Variants in GATA3 observed in about 807,000 individuals in gnomAD.
GATA3 encodes GATA binding protein 3, also known as trans-acting T-cell-specific transcription factor GATA-3.
Under a neutral mutation model 36.0 loss-of-function variants are expected in GATA3, and 6 were observed. That is an observed-to-expected ratio of 0.17 (90% CI 0.09 to 0.33). The LOEUF (loss-of-function observed/expected upper bound fraction) is 0.33, where lower values mean the gene tolerates loss of function less well. Ranked by LOEUF, GATA3 falls within the 10% of genes least tolerant of loss-of-function variation. The probability of loss-of-function intolerance (pLI) is 1.00; values close to 1 mark genes in which losing one functional copy is unlikely to be tolerated. For synonymous variants in GATA3, 326 were observed against 273.0 expected (o/e 1.19, Z -1.92); for missense variants, 514 against 610.1 (o/e 0.84, Z 1.66).
chr10:8,050,305 G>C (rs994651402), upstream of GATA3: 41 of 152,374 alleles, frequency 2.7e-4, no homozygotes, highest in African/African-American at 9.9e-4. Context: ...AGGCCCCGCC[G>C]GGCCGCTCTC....
At chr10:8,063,671 G>C (rs1832785723) in intron 3 of GATA3, among the ~76,000 whole-genome samples, 1 of 152,156 alleles carries the variant, frequency 6.6e-6, no homozygotes, top group African/African-American at 2.4e-5. Flanking sequence ...AGTATTTGTA[G>C]CTGGAATCTG....
upstream of GATA3, chr10:8,050,720 T>C (rs1244186): frequency 0.78 from 195,708 of 252,216 alleles, 76,525 homozygotes; most frequent in East Asian, 0.95. Flanking sequence ...GCTTCTTTCT[T>C]CTGCCTGCAA....
chr10:8,071,296 T>C (rs149957866), intron 5 of GATA3, among the ~76,000 whole-genome samples: 5 of 152,274 alleles, frequency 3.3e-5, no homozygotes, highest in African/African-American at 1.2e-4. Flanking sequence ...GTTGGCAGTG[T>C]CAGAACTAAG....
At position 8,058,728 on chromosome 10, in the gene GATA3, A is replaced by G; in HGVS notation, c.665A>G (p.Tyr222Cys). The part of the protein sequence containing the change: ...SSSTHHPITT[Y>C]PPYVPEYSSG... ...TCGACCCACCACCCCATCACCACCT[A>G]CCCGCCCTACGTGCCCGAGTACAGC... Residue 222 changes from tyrosine to cysteine, a missense_variant, in exon 3 of 6, where the codon TAC becomes TGC. By Grantham distance (194) the Tyr-to-Cys change is radical (BLOSUM62 -2). Around this residue, in one of 3 missense-constraint regions of GATA3, gnomAD observed 381 missense variants for 354.3 expected, o/e 1.08. Transcript: ENST00000379328. 2 of 1,610,118 alleles carry G rather than the reference A, an allele frequency of 1.2e-6. No homozygotes were observed. The highest frequency in any genetic ancestry group is 2.2e-5 in the East Asian group (1 of 44,744).
chr10:8,073,638 T>A (rs2131519110), intron 5 of GATA3, 101 bp from the exon 6 acceptor site: 1 of 1,281,142 alleles, frequency 7.8e-7, no homozygotes, highest in Non-Finnish European at 1.1e-6. Context: ...AGATCCCTGA[T>A]CCGGGGCGGT....
At chr10:8,070,968 C>T (rs11567931) in intron 5 of GATA3, among the ~76,000 whole-genome samples, 3,411 of 152,222 alleles carry the variant, frequency 0.022, 67 homozygotes, top group South Asian at 0.069. Flanking sequence ...GATAGAGATT[C>T]GTGATTAAAA....
intron 4 of GATA3, among the ~76,000 whole-genome samples, chr10:8,066,715 C>T (rs1832849778): frequency 6.6e-6 from 1 of 152,148 alleles, no homozygotes; most frequent in African/African-American, 2.4e-5. Context: ...CTGGCATTGC[C>T]AGGATTTTCA....
intron 5 of GATA3, among the ~76,000 whole-genome samples, 170 bp downstream of exon 5, chr10:8,069,768 C>T (rs1055133149): frequency 1.1e-4 from 16 of 152,154 alleles, no homozygotes; most frequent in African/African-American, 3.6e-4. Flanking sequence ...CTAGCATAGC[C>T]GTGCTGAGGC....
intron 2 of GATA3, among the ~76,000 whole-genome samples, chr10:8,057,396 C>T (rs1476825373): frequency 6.6e-6 from 1 of 152,184 alleles, no homozygotes; most frequent in African/African-American, 2.4e-5. Context: ...GCTAATCAGA[C>T]TCTGTGTCTG....
intron 1 of GATA3, among the ~76,000 whole-genome samples, chr10:8,046,578 G>T (rs1042440820): frequency 5.3e-5 from 8 of 151,978 alleles, no homozygotes; most frequent in African/African-American, 1.9e-4. Flanking sequence ...GTGGGCTGGG[G>T]GTCTAGCCAG....
At chr10:8,070,980 C>T (rs192870508) in intron 5 of GATA3, among the ~76,000 whole-genome samples, 366 of 152,268 alleles carry the variant, frequency 2.4e-3, no homozygotes, top group Non-Finnish European at 4.0e-3. Context: ...TGATTAAAAT[C>T]TGGAAGGCTT....
At chr10:8,069,188 G>C (rs1280818251) in intron 4 of GATA3, among the ~76,000 whole-genome samples, 1 of 152,094 alleles carries the variant, frequency 6.6e-6, no homozygotes, top group Non-Finnish European at 1.5e-5. Context: ...AGGAGGCTAA[G>C]ACTGCCAGGG....
chr10:8,058,473 C>T lies in GATA3; in HGVS notation c.410C>T (p.Ser137Leu), dbSNP rs1220437638. ...PGPLSVYPPA[S>L]SSSLSGGHAS... ...CCCCTCTCCGTCTACCCCCCGGCCT[C>T]GTCCTCCTCCTTGTCGGGGGGCCAC... The change falls in exon 3 of 6, where the codon TCG (serine) becomes TTG (leucine). Residue 137 changes from serine to leucine, a missense_variant. Ser to Leu is a moderately radical substitution (Grantham distance 145). Coordinates refer to ENST00000379328, the MANE Select transcript of GATA3 (RefSeq NM_001002295.2). 1 of 1,612,644 alleles carries T rather than the reference C, an allele frequency of 6.2e-7. No homozygotes were observed. The highest frequency in any genetic ancestry group is 8.5e-7 in the Non-Finnish European group (1 of 1,179,828).
intron 3 of GATA3, among the ~76,000 whole-genome samples, chr10:8,061,244 GC>G (rs1033497368): frequency 6.6e-6 from 1 of 152,188 alleles, no homozygotes. Context: ...CTGGGACGAA[GC>G]TTTTGCAAAC....
chr10:8,074,314 T>G lies in GATA3; in HGVS notation c.*291T>G. 1 of 433,366 alleles carries G rather than the reference T, an allele frequency of 2.3e-6. No individual in the cohort carries two copies. The highest frequency in any genetic ancestry group is 4.0e-5 in the Admixed American group (1 of 25,202). The allele number at this position is 433,366 out of a possible 1,614,324, so 26.8% of individuals were successfully genotyped here. A position where few individuals can be genotyped will look rare whatever the true frequency, so the allele number is the denominator to read the frequency against. On this transcript the variant is annotated 3_prime_UTR_variant, in exon 6 of 6. Transcript: ENST00000379328. ...TGCTGAACATTGCATATAACTTATATTGTAAGAAATACTGTACAATGACTT... is the reference window on the plus strand; with the variant it reads ...TGCTGAACATTGCATATAACTTATAGTGTAAGAAATACTGTACAATGACTT...
chr10:8,062,072 T>C (rs1016970298), intron 3 of GATA3, among the ~76,000 whole-genome samples: 2 of 152,198 alleles, frequency 1.3e-5, no homozygotes, highest in Admixed American at 1.3e-4. Flanking sequence ...AGCCGGTTAC[T>C]CGCCCACTCA....
intron 4 of GATA3, among the ~76,000 whole-genome samples, chr10:8,068,100 T>C: frequency 6.6e-6 from 1 of 152,180 alleles, no homozygotes; most frequent in East Asian, 1.9e-4. Context: ...CCAATGGTTT[T>C]TTTCAGTTTT....
At chr10:8,057,282 G>A (rs2131485912) in intron 2 of GATA3, among the ~76,000 whole-genome samples, 1 of 152,282 alleles carries the variant, frequency 6.6e-6, no homozygotes, top group African/African-American at 2.4e-5. Flanking sequence ...GGCAGGTACT[G>A]GCTTTAAAGA....
chr10:8,060,361 G>A (rs538035120), intron 3 of GATA3, among the ~76,000 whole-genome samples: 5 of 152,234 alleles, frequency 3.3e-5, no homozygotes, highest in African/African-American at 9.6e-5. Flanking sequence ...GCAAGAGGCC[G>A]GGAGAGCTGG....
Sources: gnomAD v4.1 joint callset for allele counts (sites outside exome capture counted in the v4.1 genomes callset) on GRCh38, gnomAD v4.1.1 for gene constraint, gnomAD v4.1.1 regional missense constraint, MANE v1.5 for transcripts, NCBI Gene and HGNC (gene_info 2026-07-23, HGNC 2026-07-21) for gene names.